Variants in LCMT1 observed in about 807,000 individuals in gnomAD.
LCMT1 encodes [Phosphatase 2A protein]-leucine-carboxy methyltransferase 1.
A neutral mutation model predicts 47.7 loss-of-function variants in LCMT1; 32 were observed. The ratio of observed to expected loss-of-function variants is 0.67; its 90% confidence interval spans 0.51 to 0.90. The LOEUF (loss-of-function observed/expected upper bound fraction) is 0.90, where lower values mean the gene tolerates loss of function less well. Ranked by LOEUF, LCMT1 falls within the 40% of genes least tolerant of loss-of-function variation. The probability of loss-of-function intolerance (pLI) is 0.00; values close to 1 mark genes in which losing one functional copy is unlikely to be tolerated. For missense variants in LCMT1, 375 were observed against 415.2 expected, an observed-to-expected ratio of 0.90 and a Z score of 0.84; for synonymous variants, 152 against 149.7, an observed-to-expected ratio of 1.02 and a Z score of -0.11.
intron 1 of LCMT1, among the ~76,000 whole-genome samples, chr16:25,113,145 A>AAC (rs968574359): frequency 1.3e-5 from 2 of 148,468 alleles, no homozygotes; most frequent in Admixed American, 6.6e-5. Flanking sequence ...TGTCTCAAAA[A>AAC]AAAAAAAAAA....
chr16:25,161,988 A>G (rs114872234), intron 6 of LCMT1, among the ~76,000 whole-genome samples: 1 of 152,178 alleles, frequency 6.6e-6, no homozygotes, highest in African/African-American at 2.4e-5. Context: ...TCAAGTGTTG[A>G]CAAGGATGTG....
At chr16:25,136,334 C>T (rs1033380217) in intron 3 of LCMT1, among the ~76,000 whole-genome samples, 31 of 151,886 alleles carry the variant, frequency 2.0e-4, no homozygotes, top group African/African-American at 7.5e-4. Flanking sequence ...TTCCCAGTCT[C>T]GGTGTCTTCC....
At chr16:25,164,756 A>G (rs1207210556) in intron 7 of LCMT1, 38 bp downstream of exon 7, 2 of 1,613,610 alleles carry the variant, frequency 1.2e-6, no homozygotes, top group Non-Finnish European at 1.7e-6. Context: ...TCCATACAGG[A>G]TCGCCGTGGT....
chr16:25,130,376 G>A (rs573923866), intron 2 of LCMT1, among the ~76,000 whole-genome samples: 1 of 151,334 alleles, frequency 6.6e-6, no homozygotes, highest in South Asian at 2.1e-4. Flanking sequence ...ACAGGGTTGG[G>A]TGCGGTGGCT....
chr16:25,136,600 AG>A (rs540570805), intron 3 of LCMT1, among the ~76,000 whole-genome samples: 135 of 152,128 alleles, frequency 8.9e-4, no homozygotes, highest in African/African-American at 3.1e-3. Flanking sequence ...CCCAGGCTGC[AG>A]TGCAGTGGTG....
In LCMT1 at chr16:25,177,991, C is replaced by G; in HGVS notation, c.983-10C>G. The stretch of plus-strand genomic sequence containing the variant: ...GTCTCCTAATGGTGTCTGTGTGTCT[C>G]TCCCCTCAGGGCTGAAGGAGATAAC... On this transcript the variant is annotated splice_polypyrimidine_tract_variant and intron_variant, in intron 10 of 10. Transcript: ENST00000399069. 1 of 1,613,582 alleles carries G rather than the reference C, an allele frequency of 6.2e-7. No individual in the cohort carries two copies. The highest frequency in any genetic ancestry group is 1.3e-5 in the African/African-American group (1 of 75,024).
rs750109994 is a variant in LCMT1 at position 25,163,779 on chromosome 16, T to C, written c.570-819T>C. The stretch of plus-strand genomic sequence containing the variant: ...TACAGTCCCTGAAACATCATACTTA[T>C]GAGCTGCATAGCAGTTCATTGGGTA... On this transcript the variant is annotated intron_variant, in intron 6 of 10. Transcript: ENST00000399069. 4.6e-5 allele frequency among the ~76,000 whole-genome samples: 7 copies of C among 152,338 alleles called. No homozygotes were observed. The South Asian group carries it at 1.4e-3, about 32-fold the overall frequency.
chr16:25,150,554 G>A (rs1470329829), intron 4 of LCMT1, among the ~76,000 whole-genome samples: 2 of 151,720 alleles, frequency 1.3e-5, no homozygotes, highest in Non-Finnish European at 2.9e-5. Context: ...ATTTTGGTCG[G>A]GCTGGTCTTG....
chr16:25,160,235 C>T (rs1961383488), intron 5 of LCMT1, among the ~76,000 whole-genome samples: 1 of 152,178 alleles, frequency 6.6e-6, no homozygotes, highest in Non-Finnish European at 1.5e-5. Flanking sequence ...GCGTGAGCCA[C>T]CGTGCCCAGC....
chr16:25,120,662 C>G (rs1161497423), intron 1 of LCMT1, among the ~76,000 whole-genome samples: 1 of 151,572 alleles, frequency 6.6e-6, no homozygotes, highest in Non-Finnish European at 1.5e-5. Flanking sequence ...CTCCTGACCT[C>G]ATGTGATCTG....
chr16:25,134,339 ACAT>A (rs537253291), intron 3 of LCMT1, among the ~76,000 whole-genome samples: 1 of 152,338 alleles, frequency 6.6e-6, no homozygotes, highest in South Asian at 2.1e-4. Context: ...ATAATCACTA[ACAT>A]CATGAAGTGT....
intron 1 of LCMT1, among the ~76,000 whole-genome samples, chr16:25,125,485 C>T (rs996374676): frequency 9.2e-5 from 14 of 152,114 alleles, no homozygotes; most frequent in African/African-American, 2.4e-4. Flanking sequence ...TTTAAGGTTC[C>T]GGCAGCTTGA....
chr16:25,150,340 T>G (rs940548975), intron 4 of LCMT1, among the ~76,000 whole-genome samples: 4 of 137,386 alleles, frequency 2.9e-5, no homozygotes, highest in Non-Finnish European at 6.2e-5. Flanking sequence ...CTGGTTTTTT[T>G]TTTTTTTTTT....
At chr16:25,172,130 A>G (rs1272832241) in intron 9 of LCMT1, among the ~76,000 whole-genome samples, 3 of 152,000 alleles carry the variant, frequency 2.0e-5, no homozygotes, top group Non-Finnish European at 4.4e-5. Context: ...ACATGGTGAA[A>G]CCCTGTCTCT....
intron 1 of LCMT1, among the ~76,000 whole-genome samples, chr16:25,116,777 C>T (rs1433227322): frequency 6.6e-6 from 1 of 151,566 alleles, no homozygotes; most frequent in African/African-American, 2.4e-5. Context: ...CCAGTAGTCC[C>T]ATCTACTTTG....
chr16:25,115,167 C>T (rs1257157245), intron 1 of LCMT1, among the ~76,000 whole-genome samples: 3 of 152,108 alleles, frequency 2.0e-5, no homozygotes, highest in Non-Finnish European at 2.9e-5. Flanking sequence ...CCCTTTTTTC[C>T]AAGTTGCTTG....
chr16:25,126,824 G>A (rs1960206835), intron 1 of LCMT1, among the ~76,000 whole-genome samples: 1 of 152,208 alleles, frequency 6.6e-6, no homozygotes, highest in Non-Finnish European at 1.5e-5. Context: ...TGATGTTGCT[G>A]CCTTGGTTCT....
Position 25,136,479 on chromosome 16 carries a change from T to C in LCMT1, c.328-3692T>C, listed in dbSNP as rs936061091. ...CTCAAGAAACAGGATATCTTTTTTT[T>C]TTTTTTAAGTTCTGGGGTACATGTG... On this transcript the variant is annotated intron_variant, in intron 3 of 10. Coordinates refer to ENST00000399069, the MANE Select transcript of LCMT1 (RefSeq NM_016309.3). Among the ~76,000 whole-genome samples the C allele has an allele frequency of 2.6e-5, 4 of 152,202 alleles. No homozygotes were observed. In the East Asian group the frequency reaches 5.8e-4, roughly 22 times the overall value.
intron 4 of LCMT1, chr16:25,149,049 G>C (rs1412553329): frequency 6.6e-6 from 1 of 152,196 alleles, no homozygotes; most frequent in Admixed American, 6.5e-5. Context: ...TAGGGAATGC[G>C]GGTCAGCATA....
Sources: allele counts gnomAD v4.1 joint callset (sites outside exome capture counted in the v4.1 genomes callset), GRCh38; gene constraint gnomAD v4.1.1; transcripts MANE v1.5; gene names NCBI Gene and HGNC (gene_info 2026-07-23, HGNC 2026-07-21).